CASP2: variants seen among roughly 807,000 people sequenced by gnomAD.
CASP2 encodes caspase 2.
Under a neutral mutation model 54.4 loss-of-function variants are expected in CASP2, and 38 were observed. The ratio of observed to expected loss-of-function variants is 0.70; its 90% CI spans 0.54 to 0.92. CASP2 has a LOEUF of 0.92. Among genes scored for constraint, CASP2 ranks in the 40% least tolerant of loss-of-function variants. The pLI is 0.00. For missense variants in CASP2, 512 were observed against 579.6 expected (o/e 0.88, Z 1.20); for synonymous variants, 215 against 216.3 (o/e 0.99, Z 0.05).
chr7:143,301,167 A>G (rs576642236), intron 8 of CASP2: 19 of 153,912 alleles, frequency 1.2e-4, no homozygotes, highest in African/African-American at 4.1e-4. Flanking sequence ...CTCACAGCAC[A>G]TCCACAAAAT....
At chr7:143,293,114 GTTT>G (rs11287848) in intron 4 of CASP2, 180 of 564,234 alleles carry the variant, frequency 3.2e-4, no homozygotes, top group Middle Eastern at 9.5e-4. Flanking sequence ...CCTTTTTTTT[GTTT>G]TTTTTTTTTT....
intron 6 of CASP2, among the ~76,000 whole-genome samples, chr7:143,298,271 C>G (rs994231302): frequency 3.9e-5 from 6 of 152,162 alleles, no homozygotes; most frequent in African/African-American, 1.4e-4. Context: ...TTTAACTCTT[C>G]CACCCAGATA....
chr7:143,294,774 G>A lies in CASP2; in HGVS notation c.747+1G>A. ...TGTTCTATGTGACCAGACTGCACAG[G>A]TACCTGAGGTGGGAAAAATTGACAT... On this transcript the variant is annotated splice_donor_variant, in intron 6 of 10. Transcript: ENST00000310447. LOFTEE classifies it high-confidence loss of function. 1 of 1,613,460 alleles carries A rather than the reference G, an allele frequency of 6.2e-7. No homozygotes were observed. The highest frequency in any genetic ancestry group is 8.5e-7 in the Non-Finnish European group (1 of 1,179,526).
At chr7:143,292,533 CAG>C in intron 3 of CASP2, 66 bp downstream of exon 3, 1 of 1,604,712 alleles carries the variant, frequency 6.2e-7, no homozygotes, top group Admixed American at 1.7e-5. Flanking sequence ...ATTTGTAAGT[CAG>C]AGTGAGGGAG....
intron 8 of CASP2, chr7:143,303,498 AT>A: frequency 3.4e-6 from 1 of 294,180 alleles, no homozygotes; most frequent in Non-Finnish European, 6.5e-6. Flanking sequence ...TTGATTTGGC[AT>A]TTTCCCTGTC....
intron 3 of CASP2, 33 bp downstream of exon 3, chr7:143,292,500 A>G: frequency 6.2e-7 from 1 of 1,613,292 alleles, no homozygotes; most frequent in Non-Finnish European, 8.5e-7. Context: ...GGTGTTGGGA[A>G]GGGTTAGTTT....
chr7:143,293,248 C>G (rs915998205), intron 4 of CASP2: 16 of 527,806 alleles, frequency 3.0e-5, no homozygotes, highest in Non-Finnish European at 4.7e-5. Flanking sequence ...CTGCCTCAGC[C>G]TCCCAAGTAC....
chr7:143,288,657 C>CA, intron 1 of CASP2, 128 bp downstream of exon 1: 1 of 899,816 alleles, frequency 1.1e-6, no homozygotes, highest in South Asian at 1.6e-5. Context: ...CGCTTCCTGC[C>CA]AAGGGTGGGA....
intron 6 of CASP2, among the ~76,000 whole-genome samples, chr7:143,296,843 T>TC (rs1174974701): frequency 6.6e-6 from 1 of 152,186 alleles, no homozygotes; most frequent in Admixed American, 6.5e-5. Flanking sequence ...AGACTCCTCT[T>TC]CCCCTGATAG....
Position 143,299,130 on chromosome 7 carries a change from T to A in CASP2, c.748-793T>A, listed in dbSNP as rs574905825. On this transcript the variant is annotated intron_variant, in intron 6 of 10. Coordinates refer to ENST00000310447, the MANE Select transcript of CASP2 (RefSeq NM_032982.4). ...ATGCACCACCATGCCTGGCTAATTT[T>A]TTTTTTTAAAGATGGAGTCTTGCTA... 2.8e-4 allele frequency among the ~76,000 whole-genome samples: 42 copies of A among 152,288 alleles called. No homozygotes were observed. The South Asian group carries it at 3.5e-3, about 13-fold the overall frequency.
rs776517184 is a variant in CASP2 at position 143,303,945 on chromosome 7, T to C, written c.1117+12T>C. The C allele has an allele frequency of 1.3e-6, 2 of 1,572,234 alleles. No homozygotes were observed. The highest frequency in any genetic ancestry group is 1.7e-6 in the Non-Finnish European group (2 of 1,157,940). On this transcript the variant is annotated intron_variant, in intron 9 of 10. Transcript: ENST00000310447. ...TGCCTGCCTCAAAGGTACTTTGAGT[T>C]CCAAAAGAGTTGAGTCATACCTCAT...
In CASP2 at chr7:143,294,255, T is replaced by C. The variant is rs1165656106; in HGVS notation, c.501T>C (p.Asn167=). ...ATACTGTGGAACACTCCCTAGACAA[T>C]AAAGATGGTCCTGTCTGCCTTCAGG... ...STDTVEHSLD[N]KDGPVCLQVK... is the part of the protein sequence containing the mutation. Residue 167 remains asparagine, a synonymous_variant, in exon 5 of 11, where the codon AAT becomes AAC. Coordinates refer to ENST00000310447, the MANE Select transcript of CASP2 (RefSeq NM_032982.4). 1 of 1,610,270 alleles carries C rather than the reference T, an allele frequency of 6.2e-7. No homozygotes were observed. Among genetic ancestry groups the C allele is most frequent in the Non-Finnish European group, 8.5e-7 (1 of 1,176,564 alleles).
At position 143,305,066 on chromosome 7, in the gene CASP2, A is replaced by G; in HGVS notation, c.1354A>G (p.Thr452Ala). The change falls in exon 11 of 11, where the codon ACA (threonine) becomes GCA (alanine). Residue 452 changes from threonine to alanine, a missense_variant. Thr to Ala is a moderately conservative substitution (Grantham distance 58). Coordinates refer to ENST00000310447, the MANE Select transcript of CASP2 (RefSeq NM_032982.4). The stretch of plus-strand genomic sequence containing the variant: ...CTACCTGTTCCCAGGACACCCTCCC[A>G]CATGATGTCACCTCCCCATCATCCA... ...HLYLFPGHPP[T>A] 2 of 1,614,184 alleles carry G rather than the reference A, an allele frequency of 1.2e-6. No homozygotes were observed. Among genetic ancestry groups the G allele is most frequent in the Non-Finnish European group, 1.7e-6 (2 of 1,180,012 alleles).
rs932868375 is a variant in CASP2 at position 143,307,259 on chromosome 7, C to T, written c.*2188C>T. ...AAACCTTGTTTGTTTTATTCACCATCATGTACCAAGTGCTTGGCACATAGT... is the reference window on the plus strand; with the variant it reads ...AAACCTTGTTTGTTTTATTCACCATTATGTACCAAGTGCTTGGCACATAGT... On this transcript the variant is annotated 3_prime_UTR_variant, in exon 11 of 11. Transcript: ENST00000310447. 9 of 152,236 alleles carry T rather than the reference C, an allele frequency of 5.9e-5. No individual in the cohort carries two copies. Among genetic ancestry groups the T allele is most frequent in the African/African-American group, 2.2e-4 (9 of 41,470 alleles). 9.4% of individuals were successfully genotyped at this position (152,236 alleles called of 1,614,324 possible). A position where few individuals can be genotyped will look rare whatever the true frequency, so the allele number is the denominator to read the frequency against.
chr7:143,298,352 A>G (rs781158139), intron 6 of CASP2, among the ~76,000 whole-genome samples: 7 of 152,234 alleles, frequency 4.6e-5, no homozygotes, highest in African/African-American at 1.7e-4. Context: ...TGCCCATCTC[A>G]GAAGACCCAG....
At chr7:143,296,392 T>C (rs1041797592) in intron 6 of CASP2, among the ~76,000 whole-genome samples, 22 of 152,232 alleles carry the variant, frequency 1.4e-4, no homozygotes, top group African/African-American at 5.1e-4. Context: ...TGTCCTCTTA[T>C]ATTCCTAACG....
At chr7:143,296,555 C>T (rs988343685) in intron 6 of CASP2, among the ~76,000 whole-genome samples, 1 of 152,120 alleles carries the variant, frequency 6.6e-6, no homozygotes, top group African/African-American at 2.4e-5. Context: ...TGAAGCCACC[C>T]TAGGCAGGGA....
At chr7:143,296,472 A>G (rs192260015) in intron 6 of CASP2, among the ~76,000 whole-genome samples, 217 of 152,378 alleles carry the variant, frequency 1.4e-3, no homozygotes, top group Non-Finnish European at 2.6e-3. Flanking sequence ...AGATATGATC[A>G]GAAGGATAAG....
At chr7:143,300,612 CT>C in intron 8 of CASP2, 14 of 1,369,972 alleles carry the variant, frequency 1.0e-5, no homozygotes, top group Admixed American at 4.9e-5. Flanking sequence ...CTCTGGTGCC[CT>C]TTTTTTGGTT....
Sources: allele counts gnomAD v4.1 joint callset (sites outside exome capture counted in the v4.1 genomes callset), GRCh38; gene constraint gnomAD v4.1.1; transcripts MANE v1.5; gene names NCBI Gene and HGNC (gene_info 2026-07-23, HGNC 2026-07-21).